The following WWP1 variants were observed in gnomAD, a reference collection of about 807,000 sequenced individuals.
The protein encoded by WWP1 is NEDD4-like E3 ubiquitin-protein ligase WWP1.
WWP1 carries 49 observed loss-of-function variants against 130.6 expected under a neutral mutation model. That is an observed-to-expected ratio of 0.38 (90% CI 0.30 to 0.48). The LOEUF is 0.48. Ranked by LOEUF, WWP1 falls within the 20% of genes least tolerant of loss-of-function variation. WWP1 has a pLI of 0.99. For synonymous variants in WWP1, 332 were observed against 367.8 expected, an observed-to-expected ratio of 0.90 and a Z score of 1.11; for missense variants, 809 against 1,100.6, an observed-to-expected ratio of 0.74 and a Z score of 3.75.
chr8:86,383,420 A>G (rs1218182997), intron 5 of WWP1, among the ~76,000 whole-genome samples: 1 of 152,188 alleles, frequency 6.6e-6, no homozygotes, highest in South Asian at 2.1e-4. Context: ...TACACTTCGA[A>G]ATGAAGCCCT....
At chr8:86,448,085 A>G in intron 18 of WWP1, 63 bp from the exon 19 acceptor site, 1 of 1,399,496 alleles carries the variant, frequency 7.1e-7, no homozygotes, top group African/African-American at 1.5e-5. Flanking sequence ...TTCTTTTATC[A>G]TTGTTCTCTA....
At chr8:86,403,851 C>A (rs1365709618) in intron 8 of WWP1, among the ~76,000 whole-genome samples, 2 of 151,764 alleles carry the variant, frequency 1.3e-5, no homozygotes, top group African/African-American at 4.8e-5. Context: ...AGAATAGATA[C>A]AATTATGGTG....
chr8:86,374,023 A>C lies in WWP1; in HGVS notation c.-21-7A>C, dbSNP rs777989472. Reference sequence around the variant, plus strand: ...ACACATGAATAAATTCCCCTTTTTTAAAATAGGTTTTAGCTGAATTTTGGG... The same window carrying C: ...ACACATGAATAAATTCCCCTTTTTTCAAATAGGTTTTAGCTGAATTTTGGG... On this transcript the variant is annotated splice_region_variant and splice_polypyrimidine_tract_variant and intron_variant, in intron 2 of 24. Coordinates refer to ENST00000517970, the MANE Select transcript of WWP1 (RefSeq NM_007013.4). The C allele has an allele frequency of 1.9e-6, 3 of 1,582,366 alleles. No individual in the cohort carries two copies. The South Asian group carries it at 3.5e-5, about 19-fold the overall frequency.
chr8:86,451,324 T>C (rs927441462), intron 20 of WWP1, among the ~76,000 whole-genome samples: 1 of 147,306 alleles, frequency 6.8e-6, no homozygotes, highest in Non-Finnish European at 1.5e-5. Context: ...AATTGACGTA[T>C]TAAGGGGATA....
At position 86,431,596 on chromosome 8, in the gene WWP1, TTTTAAC is replaced by T. The variant is rs765846340; in HGVS notation, c.1473-14_1473-9del. 4.3e-6 allele frequency: 7 copies of T among 1,612,940 alleles called. No homozygotes were observed. Among genetic ancestry groups the T allele is most frequent in the South Asian group, 1.1e-5 (1 of 90,796 alleles). Reference sequence around the variant, plus strand: ...TACCTAGAAAAGGTTCATCTTGTGATTTTAACTTTATCTTTTAGCTTACAGAATGAA... The same window carrying T: ...TACCTAGAAAAGGTTCATCTTGTGATTTTATCTTTTAGCTTACAGAATGAA... On this transcript the variant is annotated splice_polypyrimidine_tract_variant and intron_variant, in intron 13 of 24. Transcript: ENST00000517970.
chr8:86,401,559 A>G (rs866817083), intron 7 of WWP1, among the ~76,000 whole-genome samples: 1 of 152,144 alleles, frequency 6.6e-6, no homozygotes, highest in Non-Finnish European at 1.5e-5. Flanking sequence ...TAAAAAAAAA[A>G]AAAAAAGTTT....
intron 3 of WWP1, among the ~76,000 whole-genome samples, chr8:86,378,783 G>T (rs969445718): frequency 6.6e-6 from 1 of 152,074 alleles, no homozygotes; most frequent in African/African-American, 2.4e-5. Flanking sequence ...TTCAGTGGAC[G>T]TATTTTGGAT....
rs147891004 is a variant in WWP1 at position 86,451,860 on chromosome 8, A to G, written c.2274-699A>G. 5.3e-5 allele frequency among the ~76,000 whole-genome samples: 8 copies of G among 152,060 alleles called. No individual in the cohort carries two copies. In the East Asian group the frequency reaches 1.5e-3, roughly 29 times the overall value. ...GTGTCACTGACAGATTTTCTTCCTT[A>G]TTTCCTTTCTGTCATACTTCCCTGC... On this transcript the variant is annotated intron_variant, in intron 20 of 24. Transcript: ENST00000517970.
At chr8:86,430,553 A>G in intron 11 of WWP1, 144 bp from the exon 12 acceptor site, 1 of 439,744 alleles carries the variant, frequency 2.3e-6, no homozygotes. Flanking sequence ...CTGAGATTAC[A>G]GGCATGAGCC....
chr8:86,390,367 A>G (rs371475129), intron 5 of WWP1, among the ~76,000 whole-genome samples: 2 of 151,974 alleles, frequency 1.3e-5, no homozygotes, highest in Non-Finnish European at 2.9e-5. Flanking sequence ...AGGTTGTAGC[A>G]AGCCGAGATC....
At chr8:86,385,960 G>C (rs1412322235) in intron 5 of WWP1, among the ~76,000 whole-genome samples, 1 of 152,176 alleles carries the variant, frequency 6.6e-6, no homozygotes, top group Non-Finnish European at 1.5e-5. Context: ...CAGTTCCTGA[G>C]TTAATTTCTG....
At chr8:86,439,909 C>T (rs921191909) in intron 17 of WWP1, among the ~76,000 whole-genome samples, 54 of 152,096 alleles carry the variant, frequency 3.6e-4, no homozygotes, top group African/African-American at 1.3e-3. Flanking sequence ...ACAGTTTTAA[C>T]ACAACTGGCA....
In WWP1 at chr8:86,407,332, G is replaced by A. The variant is rs60636089; in HGVS notation, c.725-4206G>A. Among the ~76,000 whole-genome samples the A allele has an allele frequency of 1.3e-3, 192 of 152,206 alleles. 5 individuals are homozygous for A. In the East Asian group the frequency reaches 0.036, roughly 28 times the overall value. ...GTTTATTTTGCAACTACCATAGGCT[G>A]CACACTGCCAGGTGGATGGGCACAT... On this transcript the variant is annotated intron_variant, in intron 8 of 24. Coordinates refer to ENST00000517970, the MANE Select transcript of WWP1 (RefSeq NM_007013.4).
chr8:86,359,472 T>G (rs1049805053), intron 1 of WWP1, among the ~76,000 whole-genome samples: 2 of 152,200 alleles, frequency 1.3e-5, no homozygotes, highest in Non-Finnish European at 2.9e-5. Flanking sequence ...ACAGGGAATT[T>G]TGTCTATTCT....
chr8:86,466,877 G>A lies in WWP1; in HGVS notation c.2753G>A (p.Gly918Glu). ...CTTTTTGCAATAGAAGAGACAGAGGGATTTGGACAAGAATGAATGTGGCTT... is the reference window on the plus strand; with the variant it reads ...CTTTTTGCAATAGAAGAGACAGAGGAATTTGGACAAGAATGAATGTGGCTT... ...KLLFAIEETE[G>E]FGQE is the part of the protein sequence containing the mutation. The change falls in exon 25 of 25, where the codon GGA (glycine) becomes GAA (glutamate). Residue 918 changes from glycine (G) to glutamate (E), a missense_variant. Physicochemically the swap from Gly to Glu is moderately conservative, Grantham distance 98. This residue lies in a region of WWP1 where 450 missense variants were observed against 674.2 expected (regional missense o/e 0.67). Coordinates refer to ENST00000517970, the MANE Select transcript of WWP1 (RefSeq NM_007013.4). 1 of 1,604,398 alleles carries A rather than the reference G, an allele frequency of 6.2e-7. No individual in the cohort carries two copies. Among genetic ancestry groups the A allele is most frequent in the Non-Finnish European group, 8.5e-7 (1 of 1,177,322 alleles).
chr8:86,374,019 T>G lies in WWP1; in HGVS notation c.-21-11T>G. 1.9e-6 allele frequency: 3 copies of G among 1,581,922 alleles called. No individual in the cohort carries two copies. Among genetic ancestry groups the G allele is most frequent in the Non-Finnish European group, 2.6e-6 (3 of 1,167,662 alleles). ...TCTAACACATGAATAAATTCCCCTT[T>G]TTTAAAATAGGTTTTAGCTGAATTT... On this transcript the variant is annotated splice_polypyrimidine_tract_variant and intron_variant, in intron 2 of 24. Coordinates refer to ENST00000517970, the MANE Select transcript of WWP1 (RefSeq NM_007013.4).
chr8:86,402,282 C>CT, intron 8 of WWP1, 79 bp downstream of exon 8: 1 of 1,466,364 alleles, frequency 6.8e-7, no homozygotes, highest in Non-Finnish European at 9.2e-7. Flanking sequence ...CTACACTTCC[C>CT]TTTTTGTGTA....
chr8:86,406,154 C>T (rs1953097546), intron 8 of WWP1, among the ~76,000 whole-genome samples: 3 of 152,138 alleles, frequency 2.0e-5, no homozygotes, highest in Non-Finnish European at 4.4e-5. Flanking sequence ...AGCTCAACCA[C>T]TTGCCATGTT....
intron 5 of WWP1, among the ~76,000 whole-genome samples, chr8:86,395,702 C>T (rs1363882193): frequency 6.6e-6 from 1 of 152,100 alleles, no homozygotes; most frequent in Non-Finnish European, 1.5e-5. Context: ...ATTTAAAAAG[C>T]AGCTGTAGAG....
Sources: allele counts gnomAD v4.1 joint callset (sites outside exome capture counted in the v4.1 genomes callset), GRCh38; gene constraint gnomAD v4.1.1; regional missense constraint gnomAD v4.1.1; transcripts MANE v1.5; gene names NCBI Gene and HGNC (gene_info 2026-07-23, HGNC 2026-07-21).